Variants in TBC1D5 observed in about 807,000 individuals in gnomAD.
The protein encoded by TBC1D5 is TBC1 domain family member 5.
TBC1D5 carries 75 observed loss-of-function variants against 100.3 expected under a neutral mutation model. That is an observed-to-expected ratio of 0.75 (90% CI 0.62 to 0.91). The LOEUF (loss-of-function observed/expected upper bound fraction) is 0.91, where lower values mean the gene tolerates loss of function less well. Ranked by LOEUF, TBC1D5 falls within the 40% of genes least tolerant of loss-of-function variation. TBC1D5 has a pLI of 0.00. For synonymous variants in TBC1D5, 323 were observed against 325.6 expected, an observed-to-expected ratio of 0.99 and a Z score of 0.09; for missense variants, 910 against 942.4, an observed-to-expected ratio of 0.97 and a Z score of 0.45.
At chr3:17,707,532 CA>C (rs979766638) in intron 1 of TBC1D5, among the ~76,000 whole-genome samples, 9 of 152,024 alleles carry the variant, frequency 5.9e-5, no homozygotes, top group African/African-American at 2.2e-4. Flanking sequence ...ATCAATGGAA[CA>C]AAATGTCAAA....
At chr3:17,470,958 G>A (rs901844517) in intron 3 of TBC1D5, among the ~76,000 whole-genome samples, 1 of 152,088 alleles carries the variant, frequency 6.6e-6, no homozygotes, top group African/African-American at 2.4e-5. Context: ...ACTTCTGCAA[G>A]GAAAACGGCT....
intron 13 of TBC1D5, among the ~76,000 whole-genome samples, chr3:17,351,123 C>T (rs539333572): frequency 8.6e-4 from 131 of 152,240 alleles, no homozygotes; most frequent in Middle Eastern, 6.8e-3. Flanking sequence ...AATTTCTATG[C>T]TTCTTTAAAT....
intron 13 of TBC1D5, among the ~76,000 whole-genome samples, chr3:17,355,535 T>C (rs1416227879): frequency 6.6e-6 from 1 of 152,206 alleles, no homozygotes; most frequent in African/African-American, 2.4e-5. Context: ...ACAATCATCA[T>C]CATCAAGAAA....
upstream of TBC1D5, chr3:17,742,551 C>T (rs558129110): frequency 6.5e-6 from 1 of 152,868 alleles, no homozygotes; most frequent in South Asian, 2.1e-4. Context: ...CTTTCTCTCT[C>T]TCTCCCTCAG....
At chr3:17,594,602 C>T (rs1454978028) in intron 2 of TBC1D5, among the ~76,000 whole-genome samples, 3 of 152,158 alleles carry the variant, frequency 2.0e-5, no homozygotes, top group Non-Finnish European at 4.4e-5. Flanking sequence ...TACACTTGTA[C>T]TAAGAAAATA....
chr3:17,211,486 T>A (rs1183090486), intron 18 of TBC1D5, among the ~76,000 whole-genome samples: 1 of 152,224 alleles, frequency 6.6e-6, no homozygotes, highest in East Asian at 1.9e-4. Context: ...GAGAATTAAA[T>A]TTTCAGTCTT....
chr3:17,258,527 G>T (rs1326667925), exon 16 of TBC1D5: 1 of 1,612,468 alleles, frequency 6.2e-7, no homozygotes, highest in African/African-American at 1.3e-5. Context: ...CATGAGGTCT[G>T]CTCCTCGTGC....
intron 3 of TBC1D5, among the ~76,000 whole-genome samples, chr3:17,457,007 C>G (rs1018693122): frequency 7.9e-5 from 12 of 151,934 alleles, no homozygotes; most frequent in Non-Finnish European, 1.8e-4. Flanking sequence ...TGTAGAGTGA[C>G]TTTCAATAGC....
At chr3:17,209,278 C>G (rs1421872985) in intron 18 of TBC1D5, among the ~76,000 whole-genome samples, 1 of 152,194 alleles carries the variant, frequency 6.6e-6, no homozygotes, top group Non-Finnish European at 1.5e-5. Flanking sequence ...TCCCAAGTGG[C>G]TGGGACTACA....
At chr3:17,498,088 T>A (rs963837915) in intron 3 of TBC1D5, among the ~76,000 whole-genome samples, 2 of 152,134 alleles carry the variant, frequency 1.3e-5, no homozygotes, top group African/African-American at 4.8e-5. Flanking sequence ...TTAATTTTTA[T>A]GATTTATGAT....
At chr3:17,614,776 A>T (rs950895035) in intron 2 of TBC1D5, among the ~76,000 whole-genome samples, 3 of 152,120 alleles carry the variant, frequency 2.0e-5, no homozygotes, top group Non-Finnish European at 2.9e-5. Context: ...GCTTAAGGAG[A>T]TTTTGGGCTG....
At chr3:17,383,216 T>A (rs1575618396) in intron 9 of TBC1D5, among the ~76,000 whole-genome samples, 1 of 152,064 alleles carries the variant, frequency 6.6e-6, no homozygotes, top group East Asian at 1.9e-4. Flanking sequence ...TAGGTATACA[T>A]TATAACTTTT....
intron 13 of TBC1D5, among the ~76,000 whole-genome samples, chr3:17,328,813 A>G (rs2086516843): frequency 6.6e-6 from 1 of 152,224 alleles, no homozygotes; most frequent in African/African-American, 2.4e-5. Context: ...TTTTGGATTT[A>G]TGAATTCTTC....
At chr3:17,460,467 C>T (rs867277714) in intron 3 of TBC1D5, among the ~76,000 whole-genome samples, 2 of 152,136 alleles carry the variant, frequency 1.3e-5, no homozygotes, top group Non-Finnish European at 2.9e-5. Context: ...TCTAGACACT[C>T]CTCCTTCACA....
At chr3:17,401,259 T>C (rs1450864466) in intron 8 of TBC1D5, among the ~76,000 whole-genome samples, 4 of 148,944 alleles carry the variant, frequency 2.7e-5, no homozygotes, top group Admixed American at 6.7e-5. Flanking sequence ...ATAATATACA[T>C]ATATATGTAT....
chr3:17,687,144 T>C (rs535104847), intron 1 of TBC1D5, among the ~76,000 whole-genome samples: 1 of 152,156 alleles, frequency 6.6e-6, no homozygotes, highest in South Asian at 2.1e-4. Context: ...ACTATCTTAT[T>C]TTTTCAAATA....
At chr3:17,193,763 G>C (rs1321908995) in intron 18 of TBC1D5, among the ~76,000 whole-genome samples, 2 of 152,134 alleles carry the variant, frequency 1.3e-5, no homozygotes, top group African/African-American at 4.8e-5. Flanking sequence ...TGTAAAATAG[G>C]AAGCAATTCT....
At position 17,177,346 on chromosome 3, in the gene TBC1D5, G is replaced by T. The variant is rs182140239; in HGVS notation, c.1852+7763C>A. On this transcript the variant is annotated intron_variant, in intron 19 of 21. Coordinates refer to ENST00000253692, the Ensembl canonical transcript of TBC1D5. ...GGTATAAGGAAGATGCTGACCAATTGTTGCAAGTCTTCCAATAATAAAACC... is the reference window on the plus strand; with the variant it reads ...GGTATAAGGAAGATGCTGACCAATTTTTGCAAGTCTTCCAATAATAAAACC... 7.6e-4 allele frequency among the ~76,000 whole-genome samples: 116 copies of T among 152,244 alleles called. 1 individual carries two copies. Among genetic ancestry groups the T allele is most frequent in the Admixed American group, 7.0e-3 (107 of 15,278 alleles).
intron 13 of TBC1D5, among the ~76,000 whole-genome samples, chr3:17,328,596 G>A (rs376254633): frequency 5.9e-5 from 9 of 152,070 alleles, no homozygotes; most frequent in African/African-American, 1.9e-4. Flanking sequence ...CTTATGTCAC[G>A]ATGCCACTCA....
Sources: allele counts gnomAD v4.1 joint callset (sites outside exome capture counted in the v4.1 genomes callset), GRCh38; gene constraint gnomAD v4.1.1; transcripts MANE v1.5; gene names NCBI Gene and HGNC (gene_info 2026-07-23, HGNC 2026-07-21).